Variants in KCTD19 observed in about 807,000 individuals in gnomAD.
KCTD19 encodes potassium channel tetramerization domain containing 19, also known as BTB/POZ domain-containing protein KCTD19.
A neutral mutation model predicts 103.5 loss-of-function variants in KCTD19; 67 were observed. That is an observed-to-expected ratio of 0.65 (90% CI 0.53 to 0.79). The LOEUF is 0.79. Among genes scored for constraint, KCTD19 ranks in the 30% least tolerant of loss-of-function variants. KCTD19 has a pLI of 0.00. For synonymous variants in KCTD19, 439 were observed against 452.2 expected (o/e 0.97, Z 0.37); for missense variants, 980 against 1,136.1 (o/e 0.86, Z 1.98).
At chr16:67,290,083 C>T (rs1278723664) in intron 15 of KCTD19, among the ~76,000 whole-genome samples, 5 of 151,436 alleles carry the variant, frequency 3.3e-5, no homozygotes, top group Non-Finnish European at 5.9e-5. Flanking sequence ...TCGTTTCGGC[C>T]TCAATGTTAA....
At chr16:67,305,701 T>C (rs2036885101) in intron 2 of KCTD19, 1 of 418,216 alleles carries the variant, frequency 2.4e-6, no homozygotes, top group South Asian at 1.7e-5. Context: ...ATTTTCCCAA[T>C]AAATTTCCGG....
rs781427961 is a variant in KCTD19 at position 67,295,405 on chromosome 16, A to G, written c.1249T>C (p.Tyr417His). The G allele has an allele frequency of 6.2e-7, 1 of 1,610,312 alleles. No individual in the cohort carries two copies. The highest frequency in any genetic ancestry group is 2.2e-5 in the East Asian group (1 of 44,746). ...YATTLQTLLKYPELLSNPQRV... is the reference protein window; with the variant it reads ...YATTLQTLLKHPELLSNPQRV... ...TGAGGGTTGGACAGCAGTTCTGGATACTGGAGGGGGTTGGACACCGGACTC... is the reference window on the plus strand; with the variant it reads ...TGAGGGTTGGACAGCAGTTCTGGATGCTGGAGGGGGTTGGACACCGGACTC... The change falls in exon 9 of 16, where the codon TAT becomes CAT. Residue 417 changes from tyrosine to histidine, a missense_variant and splice_region_variant. Coordinates refer to ENST00000304372, the MANE Select transcript of KCTD19 (RefSeq NM_001100915.3).
At position 67,291,836 on chromosome 16, in the gene KCTD19, T is replaced by G. The variant is rs761695767; in HGVS notation, c.2220A>C (p.Glu740Asp). 18 of 1,587,372 alleles carry G rather than the reference T, an allele frequency of 1.1e-5. No individual in the cohort carries two copies. The highest frequency in any genetic ancestry group is 3.4e-5 in the South Asian group (3 of 87,428). ...DWSKQRTKER[E>D]SPAPEQPLPE... is the part of the protein sequence containing the mutation. ...GCAGAGGCTGCTCAGGGGCAGGGCT[T>G]TCTGTGAAAACAACATAGGGAGGGG... The change falls in exon 13 of 16, where the codon GAA (glutamate) becomes GAC (aspartate). Residue 740 changes from glutamate to aspartate, a missense_variant and splice_region_variant. Transcript: ENST00000304372.
chr16:67,325,003 A>T (rs2037117968), intron 1 of KCTD19, among the ~76,000 whole-genome samples: 1 of 152,170 alleles, frequency 6.6e-6, no homozygotes. Context: ...TAAGGGTCTC[A>T]CATAGACCAG....
chr16:67,293,902 C>A lies in KCTD19; in HGVS notation c.1860G>T (p.Gln620His), dbSNP rs761112874. Residue 620 changes from glutamine (Q) to histidine (H), a missense_variant, in exon 12 of 16, where the codon CAG becomes CAT. Physicochemically the swap from Gln to His is conservative, Grantham distance 24. Coordinates refer to ENST00000304372, the MANE Select transcript of KCTD19 (RefSeq NM_001100915.3). The surrounding 1 kb of genome is among the most constrained non-coding windows in gnomAD (Gnocchi z 4.0). ...CGGGAGGGTCTTTGGTTTCAGATTT[C>A]TGTGTGAGGTTGATTGTGGTGCATT... ...KKKCTTINLTQKSETKDPPAT... is the reference protein window; with the variant it reads ...KKKCTTINLTHKSETKDPPAT... The A allele has an allele frequency of 1.2e-6, 2 of 1,613,560 alleles. No homozygotes were observed. The highest frequency in any genetic ancestry group is 2.2e-5 in the South Asian group (2 of 91,046).
Position 67,296,883 on chromosome 16 carries a change from G to A in KCTD19, c.1147+620C>T, listed in dbSNP as rs546560764. ...GAGATAAGATGTATAGAACTAGACC[G>A]TGAACTCCAGGAAGAAAGGGACTAA... is the stretch of plus-strand genomic sequence containing the variant. On this transcript the variant is annotated intron_variant, in intron 7 of 15. Transcript: ENST00000304372. 2.0e-3 allele frequency among the ~76,000 whole-genome samples: 297 copies of A among 152,286 alleles called. 4 individuals carry two copies. Among genetic ancestry groups the A allele is most frequent in the Non-Finnish European group, 3.4e-3 (234 of 68,026 alleles).
chr16:67,315,966 C>T (rs2037009476), intron 2 of KCTD19, among the ~76,000 whole-genome samples: 1 of 152,104 alleles, frequency 6.6e-6, no homozygotes, highest in South Asian at 2.1e-4. Context: ...CATGCCTTAC[C>T]CCTTTGCCCC....
At chr16:67,306,588 C>G (rs1220770819) in intron 2 of KCTD19, among the ~76,000 whole-genome samples, 9 of 152,126 alleles carry the variant, frequency 5.9e-5, no homozygotes, top group Admixed American at 3.3e-4. Context: ...CCTTTCCTTT[C>G]CCCTAGTCCT....
At chr16:67,296,032 C>G in intron 8 of KCTD19, 127 bp downstream of exon 8, 1 of 671,052 alleles carries the variant, frequency 1.5e-6, no homozygotes, top group Non-Finnish European at 2.7e-6. Flanking sequence ...CATGAGCCAC[C>G]GTGCCTGGCG....
intron 4 of KCTD19, chr16:67,302,495 CCTAT>C (rs1331485817): frequency 6.4e-6 from 1 of 157,100 alleles, no homozygotes; most frequent in African/African-American, 2.4e-5. Flanking sequence ...TGTTTACTGC[CCTAT>C]CTATCTAGAC....
At chr16:67,298,378 A>C (rs1038004398) in intron 6 of KCTD19, among the ~76,000 whole-genome samples, 2 of 152,064 alleles carry the variant, frequency 1.3e-5, no homozygotes, top group African/African-American at 4.8e-5. Flanking sequence ...GCTGAGCTTG[A>C]CTTATTTCAG....
At chr16:67,297,789 C>T (rs967390165) in intron 6 of KCTD19, 126 bp from the exon 7 acceptor site, 38 of 848,334 alleles carry the variant, frequency 4.5e-5, no homozygotes, top group Non-Finnish European at 6.1e-5. Context: ...TCATTAACAT[C>T]GTTTCCTTGT....
In KCTD19 at chr16:67,304,429, G is replaced by A; in HGVS notation, c.443C>T (p.Ala148Val). The change falls in exon 3 of 16, where the codon GCC (alanine) becomes GTC (valine). Residue 148 changes from alanine to valine, a missense_variant. Physicochemically the swap from Ala to Val is moderately conservative, Grantham distance 64. Transcript: ENST00000304372. ...KPSEFPIKSP[A>V]FTGLHDKAPL... Reference sequence around the variant, plus strand: ...AGCCTATCCCAATTCACCTGTAAAGGCTGGGCTTTTAATTGGAAATTCTGA... The same window carrying A: ...AGCCTATCCCAATTCACCTGTAAAGACTGGGCTTTTAATTGGAAATTCTGA... 6.2e-7 allele frequency: 1 copy of A among 1,613,882 alleles called. No homozygotes were observed. Among genetic ancestry groups the A allele is most frequent in the Non-Finnish European group, 8.5e-7 (1 of 1,179,834 alleles).
Position 67,303,108 on chromosome 16 carries a change from C to CGGGGGGGGGGGG in KCTD19, c.643+37_643+38insCCCCCCCCCCCC. 6.3e-6 allele frequency: 5 copies of CGGGGGGGGGGGG among 798,076 alleles called. No individual in the cohort carries two copies. The highest frequency in any genetic ancestry group is 1.0e-5 in the Non-Finnish European group (5 of 476,660). 49.4% of individuals were successfully genotyped at this position (798,076 alleles called of 1,614,324 possible). A position where few individuals can be genotyped will look rare whatever the true frequency, so the allele number is the denominator to read the frequency against. Reference sequence around the variant, plus strand: ...ATGGGGAGGGGTGAATGGGCCCTATCAGCCCGCCCCCCACCCCACCCCGGA... The same window carrying CGGGGGGGGGGGG: ...ATGGGGAGGGGTGAATGGGCCCTATCGGGGGGGGGGGGAGCCCGCCCCCCACCCCACCCCGGA... On this transcript the variant is annotated intron_variant, in intron 4 of 15. Transcript: ENST00000304372. This position sits in a 1 kb window ranked among gnomAD's most constrained non-coding sequence, Gnocchi z 4.3.
chr16:67,297,515 T>C lies in KCTD19; in HGVS notation c.1135A>G (p.Met379Val), dbSNP rs753934675. ...THLEPRTLAP[M>V]DVLNEWTAEI... ...CTTTCTCACTTACTGAGCACATCCA[T>C]GGGTGCCAAAGTCCTTGGCTCCAGA... Residue 379 changes from methionine to valine, a missense_variant, in exon 7 of 16, where the codon ATG (methionine) becomes GTG (valine). Transcript: ENST00000304372. 1.2e-6 allele frequency: 2 copies of C among 1,614,020 alleles called. No homozygotes were observed. The highest frequency in any genetic ancestry group is 1.7e-6 in the Non-Finnish European group (2 of 1,180,022).
rs1325696224 is a variant in KCTD19 at position 67,297,484 on chromosome 16, TAGA to T, written c.1147+16_1147+18del. On this transcript the variant is annotated intron_variant, in intron 7 of 15. Coordinates refer to ENST00000304372, the MANE Select transcript of KCTD19 (RefSeq NM_001100915.3). ...ACTCCCCTGATGCTAAATTCAAACC[TAGA>T]AGCTTTCTCACTTACTGAGCACATC... 6.8e-6 allele frequency: 11 copies of T among 1,612,816 alleles called. No homozygotes were observed. Among genetic ancestry groups the T allele is most frequent in the Non-Finnish European group, 9.3e-6 (11 of 1,179,186 alleles).
chr16:67,318,960 C>T (rs1355303898), intron 2 of KCTD19, among the ~76,000 whole-genome samples: 5 of 152,120 alleles, frequency 3.3e-5, no homozygotes, highest in African/African-American at 4.8e-5. Context: ...CGGTGGCTCA[C>T]GCCTATAATC....
At chr16:67,299,615 T>C in intron 5 of KCTD19, 42 bp from the exon 6 acceptor site, 5 of 1,565,326 alleles carry the variant, frequency 3.2e-6, no homozygotes, top group Non-Finnish European at 4.4e-6. Context: ...CCCCCCATGG[T>C]CATAGCTGGA....
rs919901274 is a variant in KCTD19 at position 67,293,682 on chromosome 16, C to T, written c.2080G>A (p.Glu694Lys). 1.2e-6 allele frequency: 2 copies of T among 1,613,988 alleles called. No homozygotes were observed. Among genetic ancestry groups the T allele is most frequent in the African/African-American group, 2.7e-5 (2 of 74,892 alleles). ...CCTGCCTGTGGTCCTGGATCCTTCT[C>T]TGAGGCTGTGGAATGGGCTTTCCAG... ...AAWKAHSTAS[E>K]KDPGPQAGAG... The change falls in exon 12 of 16, where the codon GAG becomes AAG. Residue 694 changes from glutamate to lysine, a missense_variant. Physicochemically the swap from Glu to Lys is moderately conservative, Grantham distance 56 (BLOSUM62 1). Coordinates refer to ENST00000304372, the MANE Select transcript of KCTD19 (RefSeq NM_001100915.3). The surrounding 1 kb of genome is among the most constrained non-coding windows in gnomAD (Gnocchi z 4.0).
Sources: allele counts gnomAD v4.1 joint callset (sites outside exome capture counted in the v4.1 genomes callset), GRCh38; gene constraint gnomAD v4.1.1; non-coding constraint Gnocchi (gnomAD v3.1); transcripts MANE v1.5; gene names NCBI Gene and HGNC (gene_info 2026-07-23, HGNC 2026-07-21).